Variants in NCKAP1L observed in about 807,000 individuals in gnomAD.
The protein encoded by NCKAP1L is NCK associated protein 1 like.
Under a neutral mutation model 139.2 loss-of-function variants are expected in NCKAP1L, and 53 were observed. The observed-to-expected ratio is 0.38, with a 90% CI of 0.31 to 0.48. The LOEUF (loss-of-function observed/expected upper bound fraction) is 0.48. Ranked by LOEUF, NCKAP1L falls within the 20% of genes least tolerant of loss-of-function variation. The probability of loss-of-function intolerance (pLI) is 0.98; values close to 1 mark genes in which losing one functional copy is unlikely to be tolerated. For synonymous variants in NCKAP1L, 468 were observed against 499.7 expected (o/e 0.94, Z 0.85); for missense variants, 1,151 against 1,381.9 (o/e 0.83, Z 2.65).
Position 54,518,641 on chromosome 12 carries a change from C to T in NCKAP1L, c.1339-10C>T. On this transcript the variant is annotated splice_polypyrimidine_tract_variant and intron_variant, in intron 13 of 30. Coordinates refer to ENST00000293373, the MANE Select transcript of NCKAP1L (RefSeq NM_005337.5). ...TGCCCACTTGACAGTAACTGCAGCT[C>T]CTTTTTTAGAACTTGTCTGTGTGTC... is the stretch of plus-strand genomic sequence containing the variant. 1 of 1,613,100 alleles carries T rather than the reference C, an allele frequency of 6.2e-7. No individual in the cohort carries two copies. The highest frequency in any genetic ancestry group is 1.7e-5 in the Admixed American group (1 of 60,012).
chr12:54,514,600 G>C (rs568657931), intron 9 of NCKAP1L, among the ~76,000 whole-genome samples: 1 of 152,154 alleles, frequency 6.6e-6, no homozygotes, highest in African/African-American at 2.4e-5. Context: ...TGGGATTACA[G>C]GCGTGAGCCA....
chr12:54,526,156 G>A (rs1957024449), intron 20 of NCKAP1L, among the ~76,000 whole-genome samples: 2 of 152,150 alleles, frequency 1.3e-5, no homozygotes, highest in Non-Finnish European at 2.9e-5. Context: ...GAATGCAGAG[G>A]GTGTGAACTG....
At chr12:54,539,272 C>T (rs550008740) in intron 30 of NCKAP1L, among the ~76,000 whole-genome samples, 2 of 152,178 alleles carry the variant, frequency 1.3e-5, no homozygotes, top group Non-Finnish European at 2.9e-5. Flanking sequence ...CAGCTGTGCC[C>T]GTTATTGGTA....
intron 30 of NCKAP1L, among the ~76,000 whole-genome samples, chr12:54,540,602 T>G (rs1212270791): frequency 6.6e-6 from 1 of 152,232 alleles, no homozygotes; most frequent in East Asian, 1.9e-4. Context: ...GTATTATGCG[T>G]GAAAGTGCCT....
chr12:54,506,652 T>G (rs1956840975), intron 3 of NCKAP1L, among the ~76,000 whole-genome samples: 1 of 150,002 alleles, frequency 6.7e-6, no homozygotes. Flanking sequence ...CAGGCTCTCT[T>G]GAACTCCTGG....
At chr12:54,503,995 A>G (rs1322824956) in intron 3 of NCKAP1L, among the ~76,000 whole-genome samples, 1 of 152,174 alleles carries the variant, frequency 6.6e-6, no homozygotes, top group Non-Finnish European at 1.5e-5. Context: ...TATGTTGTTT[A>G]ATGTAAAAGC....
At chr12:54,515,070 A>T (rs1475018302) in intron 9 of NCKAP1L, among the ~76,000 whole-genome samples, 1 of 152,200 alleles carries the variant, frequency 6.6e-6, no homozygotes, top group Non-Finnish European at 1.5e-5. Context: ...TAAATGAGAA[A>T]ATGGAGGCTC....
rs947324608 is a variant in NCKAP1L, at chr12:54,543,698, T to G, written c.*1013T>G. On this transcript the variant is annotated 3_prime_UTR_variant, in exon 31 of 31. Coordinates refer to ENST00000293373, the MANE Select transcript of NCKAP1L (RefSeq NM_005337.5). ...ACAAGCTGTTTCAACTTAGCCCTTT[T>G]CTGCGCTAATTAGAATTTCAAGCGT... The G allele has an allele frequency of 1.3e-5, 2 of 152,210 alleles. No homozygotes were observed. The highest frequency in any genetic ancestry group is 2.9e-5 in the Non-Finnish European group (2 of 68,038). The allele number at this position is 152,210 out of a possible 1,614,324, so 9.4% of individuals were successfully genotyped here.
rs1034224475 is a variant in NCKAP1L, at chr12:54,547,451, T to G, written c.*4766T>G. On this transcript the variant is annotated 3_prime_UTR_variant, in exon 31 of 31. Transcript: ENST00000293373. ...TTCCCATTTATTAAATGAAGGGAAT[T>G]AGAGTGGATGAACTCTAATGTCTCT... 6.6e-6 allele frequency: 1 copy of G among 152,000 alleles called. No individual in the cohort carries two copies. Among genetic ancestry groups the G allele is most frequent in the African/African-American group, 2.4e-5 (1 of 41,370 alleles). The allele number at this position is 152,000 out of a possible 1,614,324, so 9.4% of individuals were successfully genotyped here. A position where few individuals can be genotyped will look rare whatever the true frequency, so the allele number is the denominator to read the frequency against.
chr12:54,506,532 T>G (rs1420749194), intron 3 of NCKAP1L, among the ~76,000 whole-genome samples: 1 of 151,270 alleles, frequency 6.6e-6, no homozygotes, highest in Non-Finnish European at 1.5e-5. Flanking sequence ...GCTCAAACAA[T>G]TCTCGTGCCT....
At chr12:54,535,060 G>T in intron 26 of NCKAP1L, 44 bp from the exon 27 acceptor site, 1 of 1,521,820 alleles carries the variant, frequency 6.6e-7, no homozygotes, top group Non-Finnish European at 9.0e-7. Context: ...TCAAGCCATT[G>T]TGTCCTGCGA....
chr12:54,516,221 G>A lies in NCKAP1L; in HGVS notation c.942-18G>A. The A allele has an allele frequency of 6.2e-7, 1 of 1,613,840 alleles. No homozygotes were observed. The highest frequency in any genetic ancestry group is 1.1e-5 in the South Asian group (1 of 91,072). ...TGGGTAGCATGGTCAACCCCATTGT[G>A]CTTGTGTCAATCCTCAGGTATGGCA... On this transcript the variant is annotated intron_variant, in intron 9 of 30. Transcript: ENST00000293373.
intron 3 of NCKAP1L, among the ~76,000 whole-genome samples, chr12:54,501,438 C>G (rs1237232016): frequency 6.6e-6 from 1 of 152,086 alleles, no homozygotes; most frequent in African/African-American, 2.4e-5. Flanking sequence ...ATCTTCAAAA[C>G]CCTACTTTCA....
chr12:54,532,562 T>C (rs1176395047), intron 26 of NCKAP1L, among the ~76,000 whole-genome samples: 4 of 152,120 alleles, frequency 2.6e-5, no homozygotes, highest in Non-Finnish European at 4.4e-5. Context: ...GCAAATTAGA[T>C]AAACTATGTG....
intron 29 of NCKAP1L, 29 bp from the exon 30 acceptor site, chr12:54,538,855 A>C: frequency 6.3e-7 from 1 of 1,592,212 alleles, no homozygotes. Context: ...CCTGTATAAA[A>C]ATCTGCTTTA....
At chr12:54,519,533 A>G (rs1471858222) in intron 16 of NCKAP1L, among the ~76,000 whole-genome samples, 1 of 148,694 alleles carries the variant, frequency 6.7e-6, no homozygotes, top group East Asian at 2.0e-4. Context: ...CCTCCTAAGT[A>G]GCTGGGATTA....
chr12:54,528,498 T>C lies in NCKAP1L; in HGVS notation c.2506+121T>C, dbSNP rs1009311368. The stretch of plus-strand genomic sequence containing the variant: ...AAGTAATTTTTGCAATTACTTTTCA[T>C]TGCAAAAACCACAGTTACTTTTGCA... On this transcript the variant is annotated intron_variant, in intron 22 of 30. Transcript: ENST00000293373. The C allele has an allele frequency of 6.5e-6, 8 of 1,231,632 alleles. No homozygotes were observed. The African/African-American group carries it at 1.1e-4, about 16-fold the overall frequency. 76.3% of individuals were successfully genotyped at this position (1,231,632 alleles called of 1,614,324 possible). A position where few individuals can be genotyped will look rare whatever the true frequency, so the allele number is the denominator to read the frequency against.
intron 27 of NCKAP1L, 91 bp from the exon 28 acceptor site, chr12:54,536,038 A>G: frequency 1.1e-6 from 1 of 886,848 alleles, no homozygotes; most frequent in South Asian, 1.3e-5. Context: ...CGATCCTCAC[A>G]GCAATTCTGT....
Position 54,523,540 on chromosome 12 carries a change from G to T in NCKAP1L, c.2024+1G>T. ...GGAAGAACCGCAGCATTGTCACCAAGTGAGGACCTGGGCCCTAGATGGCCA... is the reference window on the plus strand; with the variant it reads ...GGAAGAACCGCAGCATTGTCACCAATTGAGGACCTGGGCCCTAGATGGCCA... On this transcript the variant is annotated splice_donor_variant, in intron 19 of 30. Transcript: ENST00000293373. LOFTEE classifies it high-confidence loss of function. The T allele has an allele frequency of 6.2e-7, 1 of 1,612,078 alleles. No homozygotes were observed. The highest frequency in any genetic ancestry group is 8.5e-7 in the Non-Finnish European group (1 of 1,179,488).
Sources: gnomAD v4.1 joint callset for allele counts (sites outside exome capture counted in the v4.1 genomes callset) on GRCh38, gnomAD v4.1.1 for gene constraint, MANE v1.5 for transcripts, NCBI Gene and HGNC (gene_info 2026-07-23, HGNC 2026-07-21) for gene names.